FOXK2: variants seen among roughly 807,000 people sequenced by gnomAD.
The protein encoded by FOXK2 is forkhead box protein K2.
FOXK2 carries 24 observed loss-of-function variants against 53.3 expected under a neutral mutation model. The observed-to-expected ratio is 0.45, with a 90% CI of 0.33 to 0.63. FOXK2 has a LOEUF of 0.63. Among genes scored for constraint, FOXK2 ranks in the 30% least tolerant of loss-of-function variants. The pLI, the probability that FOXK2 is intolerant of heterozygous loss-of-function variation, is 0.03. For missense variants in FOXK2, 952 were observed against 910.5 expected (o/e 1.05, Z -0.59); for synonymous variants, 505 against 407.1 (o/e 1.24, Z -2.89).
Position 82,555,885 on chromosome 17 carries a change from C to CAAAAAA in FOXK2, c.420-7443_420-7438dup, listed in dbSNP as rs71168116. Among the ~76,000 whole-genome samples the CAAAAAA allele has an allele frequency of 8.0e-3, 592 of 74,192 alleles. 1 individual carries two copies. Among genetic ancestry groups the CAAAAAA allele is most frequent in the African/African-American group, 0.011 (211 of 18,682 alleles). The allele number at this position is 74,192 out of a possible 152,430, so 48.7% of individuals were successfully genotyped here. The stretch of plus-strand genomic sequence containing the variant: ...CCTGGGCGAAAGCAAGACTCTATCA[C>CAAAAAA]AAAAAAAAAAAAAAAAAAAAAAAAA... On this transcript the variant is annotated intron_variant, in intron 1 of 8. Coordinates refer to ENST00000335255, the MANE Select transcript of FOXK2 (RefSeq NM_004514.4).
At chr17:82,561,642 G>A (rs1468168461) in intron 1 of FOXK2, among the ~76,000 whole-genome samples, 2 of 151,970 alleles carry the variant, frequency 1.3e-5, no homozygotes, top group Non-Finnish European at 2.9e-5. Flanking sequence ...AAGGAGAAGG[G>A]CGAGGGGAGG....
intron 4 of FOXK2, among the ~76,000 whole-genome samples, chr17:82,575,661 C>T (rs901349772): frequency 3.3e-5 from 5 of 152,180 alleles, no homozygotes; most frequent in Admixed American, 6.5e-5. Flanking sequence ...TGGCTTTTCA[C>T]GTGGAACTTT....
intron 4 of FOXK2, among the ~76,000 whole-genome samples, chr17:82,577,828 C>A (rs2045007996): frequency 6.6e-6 from 1 of 152,128 alleles, no homozygotes; most frequent in Admixed American, 6.5e-5. Context: ...ACCTTTGCCT[C>A]CTGGGTTCAA....
chr17:82,601,184 G>A (rs1004187438), intron 8 of FOXK2, 119 bp from the exon 9 acceptor site: 8 of 1,102,332 alleles, frequency 7.3e-6, no homozygotes, highest in African/African-American at 1.6e-5. Flanking sequence ...CTTAGAGGGC[G>A]AGAGTTCACA....
In FOXK2 at chr17:82,568,214, T is replaced by C; in HGVS notation, c.762+13T>C. The C allele has an allele frequency of 3.1e-6, 5 of 1,610,944 alleles. No individual in the cohort carries two copies. Among genetic ancestry groups the C allele is most frequent in the Non-Finnish European group, 4.2e-6 (5 of 1,179,758 alleles). On this transcript the variant is annotated intron_variant, in intron 3 of 8. Transcript: ENST00000335255. Reference sequence around the variant, plus strand: ...AGACAGCCCGAAGGTAAAGGCTTTGTAGCCTTGAAGCAGCCCCTGGGGGAC... The same window carrying C: ...AGACAGCCCGAAGGTAAAGGCTTTGCAGCCTTGAAGCAGCCCCTGGGGGAC...
chr17:82,576,949 T>C (rs2044994206), intron 4 of FOXK2: 1 of 394,548 alleles, frequency 2.5e-6, no homozygotes, highest in African/African-American at 2.1e-5. Context: ...CACCTGTGGT[T>C]GGAGGGTTCG....
At chr17:82,534,002 G>A (rs1478552872) in intron 1 of FOXK2, among the ~76,000 whole-genome samples, 1 of 151,562 alleles carries the variant, frequency 6.6e-6, no homozygotes, top group Non-Finnish European at 1.5e-5. Context: ...CCCTGTCTCA[G>A]GTCGATAGGT....
intron 4 of FOXK2, among the ~76,000 whole-genome samples, chr17:82,573,747 C>G (rs1468626897): frequency 6.6e-6 from 1 of 152,210 alleles, no homozygotes; most frequent in Non-Finnish European, 1.5e-5. Context: ...GTTTGAGATA[C>G]CAGTTACCTG....
Position 82,584,011 on chromosome 17 carries a change from A to T in FOXK2, c.1104-2A>T. 1 of 1,582,734 alleles carries T rather than the reference A, an allele frequency of 6.3e-7. No individual in the cohort carries two copies. Among genetic ancestry groups the T allele is most frequent in the Non-Finnish European group, 8.6e-7 (1 of 1,160,764 alleles). On this transcript the variant is annotated splice_acceptor_variant, in intron 5 of 8. Transcript: ENST00000335255. LOFTEE classifies it high-confidence loss of function. The stretch of plus-strand genomic sequence containing the variant: ...TGCAATGTCTTCTTCTCGGTGACAC[A>T]GGAGTGCCCCAGCCTCTCCCAATCA...
intron 1 of FOXK2, among the ~76,000 whole-genome samples, chr17:82,536,669 G>T (rs545135025): frequency 1.8e-4 from 27 of 152,308 alleles, no homozygotes; most frequent in African/African-American, 6.3e-4. Flanking sequence ...GATCAGCCCA[G>T]AGTGAAAGCA....
rs553126309 is a variant in FOXK2 at position 82,603,963 on chromosome 17, G to A, written c.*2464G>A. 7 of 152,294 alleles carry A rather than the reference G, an allele frequency of 4.6e-5. No individual in the cohort carries two copies. The highest frequency in any genetic ancestry group is 1.7e-4 in the African/African-American group (7 of 41,546). The allele number at this position is 152,294 out of a possible 1,614,324, so 9.4% of individuals were successfully genotyped here. On this transcript the variant is annotated 3_prime_UTR_variant, in exon 9 of 9. Coordinates refer to ENST00000335255, the MANE Select transcript of FOXK2 (RefSeq NM_004514.4). ...CTTTAAGGCACTGTTTCTAAATTTT[G>A]AACTTAGCTCTGAATCCCCAAGAAC... is the stretch of plus-strand genomic sequence containing the variant.
intron 1 of FOXK2, among the ~76,000 whole-genome samples, chr17:82,540,032 G>A (rs1342437139): frequency 1.3e-5 from 2 of 150,792 alleles, no homozygotes; most frequent in African/African-American, 2.4e-5. Flanking sequence ...TGTAATCTCA[G>A]CACTTTGGGA....
At chr17:82,544,571 G>T (rs1279908118) in intron 1 of FOXK2, among the ~76,000 whole-genome samples, 1 of 152,148 alleles carries the variant, frequency 6.6e-6, no homozygotes, top group African/African-American at 2.4e-5. Context: ...GAGCATTTCT[G>T]TTGCTGAACT....
At chr17:82,535,478 T>C (rs940016391) in intron 1 of FOXK2, among the ~76,000 whole-genome samples, 5 of 152,242 alleles carry the variant, frequency 3.3e-5, no homozygotes, top group Admixed American at 3.3e-4. Context: ...ACAGGTCCTT[T>C]AGGCTCTGCT....
At chr17:82,582,593 G>C in intron 4 of FOXK2, 148 bp from the exon 5 acceptor site, 1 of 613,300 alleles carries the variant, frequency 1.6e-6, no homozygotes, top group East Asian at 2.9e-5. Flanking sequence ...CACATTACTT[G>C]TGTGACGCAA....
intron 1 of FOXK2, among the ~76,000 whole-genome samples, chr17:82,563,019 C>G (rs941012804): frequency 1.3e-5 from 2 of 152,088 alleles, no homozygotes; most frequent in Non-Finnish European, 2.9e-5. Flanking sequence ...GTTGCCCAGG[C>G]TGGTCTTGAC....
At chr17:82,575,807 A>G (rs2044975319) in intron 4 of FOXK2, among the ~76,000 whole-genome samples, 1 of 152,212 alleles carries the variant, frequency 6.6e-6, no homozygotes, top group Non-Finnish European at 1.5e-5. Context: ...TGAAGTACTG[A>G]AACTGACCCA....
At position 82,568,174 on chromosome 17, in the gene FOXK2, G is replaced by A; in HGVS notation, c.735G>A (p.Lys245=). ...ACAACTCACAGCCTGAAAATGAAAA[G>A]GAAGCTTCAGGTGGAGACAGCCCGA... ...MADNSQPENE[K]EASGGDSPKD... Residue 245 remains lysine, a synonymous_variant, in exon 3 of 9, where the codon AAG becomes AAA. Transcript: ENST00000335255. The A allele has an allele frequency of 6.2e-7, 1 of 1,613,148 alleles. No homozygotes were observed. The highest frequency in any genetic ancestry group is 8.5e-7 in the Non-Finnish European group (1 of 1,179,968).
chr17:82,582,881 A>T lies in FOXK2; in HGVS notation c.1050A>T (p.Arg350=). Residue 350 remains arginine (R), a synonymous_variant, in exon 5 of 9, where the codon CGA becomes CGT. Transcript: ENST00000335255. ...TAATAGAACAGGCTTTTAGGAAACG[A>T]CGGCCTAGGGGCGTGCCCTGCTTTA... ...SKLIEQAFRK[R]RPRGVPCFRT... 1 of 1,613,266 alleles carries T rather than the reference A, an allele frequency of 6.2e-7. No homozygotes were observed. Among genetic ancestry groups the T allele is most frequent in the South Asian group, 1.1e-5 (1 of 90,914 alleles).
Sources: gnomAD v4.1 joint callset for allele counts (sites outside exome capture counted in the v4.1 genomes callset) on GRCh38, gnomAD v4.1.1 for gene constraint, MANE v1.5 for transcripts, NCBI Gene and HGNC (gene_info 2026-07-23, HGNC 2026-07-21) for gene names.